The following HAS1 variants were observed in gnomAD, a reference collection of about 807,000 sequenced individuals.
The protein encoded by HAS1 is HA synthase 1.
HAS1 carries 27 observed loss-of-function variants against 35.0 expected under a neutral mutation model. The observed-to-expected ratio is 0.77, with a 90% CI of 0.57 to 1.06. The LOEUF (loss-of-function observed/expected upper bound fraction) is 1.06, where lower values mean the gene tolerates loss of function less well. HAS1 is among the 50% of genes least tolerant of loss of function. HAS1 has a pLI of 0.00. For missense variants in HAS1, 940 were observed against 814.8 expected (o/e 1.15, Z -1.87); for synonymous variants, 409 against 371.2 (o/e 1.10, Z -1.17).
In HAS1 at chr19:51,713,961, C is replaced by G. The variant is rs763153477; in HGVS notation, c.1200G>C (p.Met400Ile). Residue 400 changes from methionine (M) to isoleucine (I), a missense_variant, in exon 5 of 5, where the codon ATG becomes ATC. By Grantham distance (10) the Met-to-Ile change is conservative. Transcript: ENST00000540069. The surrounding 1 kb of genome is among the most constrained non-coding windows in gnomAD (Gnocchi z 4.5). ...ALWWHRHHAW[M>I]TYEAVVSGLF... is the part of the protein sequence containing the mutation. ...GGCCGGAGACCACCGCCTCGTAGGT[C>G]ATCCACGCATGGTGCCGGTGCCACC... 1 of 1,612,662 alleles carries G rather than the reference C, an allele frequency of 6.2e-7. No individual in the cohort carries two copies. Among genetic ancestry groups the G allele is most frequent in the Non-Finnish European group, 8.5e-7 (1 of 1,180,024 alleles).
intron 4 of HAS1, among the ~76,000 whole-genome samples, chr19:51,715,615 A>C (rs1261512867): frequency 6.6e-6 from 1 of 152,166 alleles, no homozygotes; most frequent in Non-Finnish European, 1.5e-5. Context: ...CCTAGTGAAT[A>C]TTTGTTGAGT....
chr19:51,719,594 T>C lies in HAS1; in HGVS notation c.311A>G (p.Gln104Arg). 1.3e-6 allele frequency: 2 copies of C among 1,542,002 alleles called. No homozygotes were observed. Among genetic ancestry groups the C allele is most frequent in the East Asian group, 2.5e-5 (1 of 40,244 alleles). Residue 104 changes from glutamine (Q) to arginine (R), a missense_variant, in exon 2 of 5, where the codon CAG becomes CGG. By Grantham distance (43) the Gln-to-Arg change is conservative. Transcript: ENST00000540069. Reference sequence around the variant, plus strand: ...CTGGCGCAGGTACGCGGGGTCCTCCTGGTAGGCGGAGATGGTCAGCGCCAC... The same window carrying C: ...CTGGCGCAGGTACGCGGGGTCCTCCCGGTAGGCGGAGATGGTCAGCGCCAC... Reference protein sequence around the residue: ...RSVALTISAYQEDPAYLRQCL... With the variant: ...RSVALTISAYREDPAYLRQCL...
At chr19:51,719,996 T>C in intron 1 of HAS1, 101 bp from the exon 2 acceptor site, 1 of 699,458 alleles carries the variant, frequency 1.4e-6, no homozygotes. Context: ...CCTCCTTCCC[T>C]TTCCCTCCCC....
chr19:51,722,417 C>T (rs899980414), intron 1 of HAS1, among the ~76,000 whole-genome samples: 1 of 152,104 alleles, frequency 6.6e-6, no homozygotes, highest in African/African-American at 2.4e-5. Context: ...GCTATGAACA[C>T]ACTGGATTTT....
Position 51,716,967 on chromosome 19 carries a change from C to T in HAS1, c.925+1G>A, listed in dbSNP as rs1396240967. The T allele has an allele frequency of 4.4e-6, 7 of 1,604,438 alleles. No homozygotes were observed. Among genetic ancestry groups the T allele is most frequent in the Non-Finnish European group, 2.6e-6 (3 of 1,171,300 alleles). On this transcript the variant is annotated splice_donor_variant, in intron 3 of 4. Coordinates refer to ENST00000540069, the MANE Select transcript of HAS1 (RefSeq NM_001297436.2). LOFTEE classifies it high-confidence loss of function. The stretch of plus-strand genomic sequence containing the variant: ...CCCTCCCAATCTCTGCCCCTGCTTA[C>T]CTAGAGGACCGCTGATGCAGGATAC...
At chr19:51,723,032 C>T (rs73056837) in intron 1 of HAS1, among the ~76,000 whole-genome samples, 13,623 of 152,228 alleles carry the variant, frequency 0.089, 772 homozygotes, top group Middle Eastern at 0.14. Flanking sequence ...TCTTCCTTTG[C>T]TTCAAACCTG....
chr19:51,723,373 T>C (rs11084113), intron 1 of HAS1, among the ~76,000 whole-genome samples: 114,458 of 152,122 alleles, frequency 0.75, 43,363 homozygotes, highest in East Asian at 0.99. Flanking sequence ...GGCAATGGGA[T>C]GCACAGGGAA....
intron 2 of HAS1, 32 bp downstream of exon 2, chr19:51,719,174 G>T (rs1361889237): frequency 1.4e-6 from 2 of 1,401,754 alleles, no homozygotes; most frequent in African/African-American, 3.0e-5. Flanking sequence ...GGGTGTTCGG[G>T]TCACGAGTGG....
In HAS1 at chr19:51,719,489, T is replaced by C. The variant is rs1306949855; in HGVS notation, c.416A>G (p.Glu139Gly). 2.6e-6 allele frequency: 4 copies of C among 1,550,424 alleles called. No individual in the cohort carries two copies. Among genetic ancestry groups the C allele is most frequent in the Non-Finnish European group, 1.7e-6 (2 of 1,146,652 alleles). The change falls in exon 2 of 5, where the codon GAG becomes GGG. Residue 139 changes from glutamate to glycine, a missense_variant. Glu to Gly is a moderately conservative substitution (Grantham distance 98). Coordinates refer to ENST00000540069, the MANE Select transcript of HAS1 (RefSeq NM_001297436.2). The part of the protein sequence containing the change: ...VLMVVDGNRA[E>G]DLYMVDMFRE... ...GAACATGTCGACCATGTAGAGGTCCTCGGCGCGGTTGCCATCCACCACCAT... is the reference window on the plus strand; with the variant it reads ...GAACATGTCGACCATGTAGAGGTCCCCGGCGCGGTTGCCATCCACCACCAT...
At position 51,713,664 on chromosome 19, in the gene HAS1, GTAGT is replaced by G. The variant is rs766524559; in HGVS notation, c.1493_1496del (p.Asn498ThrfsTer22). 3 of 1,581,498 alleles carry G rather than the reference GTAGT, an allele frequency of 1.9e-6. No homozygotes were observed. In the South Asian group the frequency reaches 3.4e-5, roughly 18 times the overall value. ...AGAGCGCCAGGGGCAGCAGAGGGAC[GTAGT>G]TAGCGGCCAGCTTCCGCCGGCCCGA... On this transcript the variant is annotated frameshift_variant, in exon 5 of 5. Transcript: ENST00000540069. LOFTEE classifies it low-confidence loss of function (END_TRUNC). The surrounding 1 kb of genome is among the most constrained non-coding windows in gnomAD (Gnocchi z 4.5).
intron 1 of HAS1, 70 bp from the exon 2 acceptor site, chr19:51,719,965 T>G (rs1308363121): frequency 9.9e-7 from 1 of 1,008,836 alleles, no homozygotes; most frequent in Admixed American, 2.8e-5. Context: ...GAGAGAAGAT[T>G]AAAAATCCTT....
At chr19:51,715,727 T>A (rs1465592739) in intron 4 of HAS1, among the ~76,000 whole-genome samples, 2 of 152,228 alleles carry the variant, frequency 1.3e-5, no homozygotes, top group Admixed American at 1.3e-4. Flanking sequence ...TCACTTGGTC[T>A]AGATCATCCT....
chr19:51,721,158 T>G (rs1367129670), intron 1 of HAS1, among the ~76,000 whole-genome samples: 1 of 151,988 alleles, frequency 6.6e-6, no homozygotes, highest in Non-Finnish European at 1.5e-5. Context: ...ATTTGAACCC[T>G]AGGAACTGAA....
chr19:51,713,991 C>A lies in HAS1; in HGVS notation c.1170G>T (p.Ala390=). The part of the protein sequence containing the change: ...KSYFREWLYN[A]LWWHRHHAWM... ...ACGCATGGTGCCGGTGCCACCAGAG[C>A]GCGTTGTACAGCCACTCACGGAAGT... Residue 390 remains alanine (A), a synonymous_variant, in exon 5 of 5, where the codon GCG becomes GCT. Transcript: ENST00000540069. The surrounding 1 kb of genome is among the most constrained non-coding windows in gnomAD (Gnocchi z 4.5). 1 of 1,613,752 alleles carries A rather than the reference C, an allele frequency of 6.2e-7. No homozygotes were observed. Among genetic ancestry groups the A allele is most frequent in the Non-Finnish European group, 8.5e-7 (1 of 1,179,986 alleles).
intron 1 of HAS1, among the ~76,000 whole-genome samples, chr19:51,720,385 G>T (rs2083623732): frequency 6.6e-6 from 1 of 151,918 alleles, no homozygotes; most frequent in Non-Finnish European, 1.5e-5. Context: ...CTAAGTGCTG[G>T]GATTACAGGC....
chr19:51,719,888 G>A lies in HAS1; in HGVS notation c.17C>T (p.Pro6Leu). 6.5e-7 allele frequency: 1 copy of A among 1,534,768 alleles called. No homozygotes were observed. The highest frequency in any genetic ancestry group is 8.7e-7 in the Non-Finnish European group (1 of 1,145,626). ...GCGGCAGGCTGCAGGAGTGGGCTTG[G>A]GCGCGTCCTGCTGGGAGCGAGAGGG... MRQDA[P>L]KPTPAACRCS... is the part of the protein sequence containing the mutation. Residue 6 changes from proline to leucine, a missense_variant, in exon 2 of 5, where the codon CCC becomes CTC. Physicochemically the swap from Pro to Leu is moderately conservative, Grantham distance 98. Coordinates refer to ENST00000540069, the MANE Select transcript of HAS1 (RefSeq NM_001297436.2).
chr19:51,719,344 C>T lies in HAS1; in HGVS notation c.561G>A (p.Ala187=), dbSNP rs769582481. Reference sequence around the variant, plus strand: ...CCACTGCCAGCCGCCCAGGATCCTCCGCCTCCACCTCCCGATAGGCTCCGG... The same window carrying T: ...CCACTGCCAGCCGCCCAGGATCCTCTGCCTCCACCTCCCGATAGGCTCCGG... ...VGAGAYREVE[A]EDPGRLAVEA... is the part of the protein sequence containing the mutation. Residue 187 remains alanine, a synonymous_variant, in exon 2 of 5, where the codon GCG becomes GCA. Coordinates refer to ENST00000540069, the MANE Select transcript of HAS1 (RefSeq NM_001297436.2). 17 of 1,611,040 alleles carry T rather than the reference C, an allele frequency of 1.1e-5. No individual in the cohort carries two copies. The highest frequency in any genetic ancestry group is 2.7e-5 in the African/African-American group (2 of 74,802).
chr19:51,719,651 C>T lies in HAS1; in HGVS notation c.254G>A (p.Arg85Gln). ...LEHRRVAAAA[R>Q]GPLDAATARS... ...CGCGGTGGCTGCATCCAGCGGCCCC[C>T]GCGCCGCCGCCGCCACCCGCCGGTG... Residue 85 changes from arginine (R) to glutamine (Q), a missense_variant, in exon 2 of 5, where the codon CGG (arginine) becomes CAG (glutamine). Arg to Gln is a conservative substitution (Grantham distance 43). Coordinates refer to ENST00000540069, the MANE Select transcript of HAS1 (RefSeq NM_001297436.2). The T allele has an allele frequency of 6.5e-7, 1 of 1,539,576 alleles. No homozygotes were observed. The highest frequency in any genetic ancestry group is 8.7e-7 in the Non-Finnish European group (1 of 1,145,822).
chr19:51,714,017 A>T lies in HAS1; in HGVS notation c.1144T>A (p.Tyr382Asn). ...GCGTTGTACAGCCACTCACGGAAGT[A>T]CGACTTGGACCAGCGTGTCTGCTGG... The part of the protein sequence containing the change: ...LSQQTRWSKS[Y>N]FREWLYNALW... Residue 382 changes from tyrosine to asparagine, a missense_variant, in exon 5 of 5, where the codon TAC becomes AAC. Transcript: ENST00000540069. 1 of 1,614,044 alleles carries T rather than the reference A, an allele frequency of 6.2e-7. No individual in the cohort carries two copies. The highest frequency in any genetic ancestry group is 8.5e-7 in the Non-Finnish European group (1 of 1,179,976).
Sources: allele counts gnomAD v4.1 joint callset (sites outside exome capture counted in the v4.1 genomes callset), GRCh38; gene constraint gnomAD v4.1.1; non-coding constraint Gnocchi (gnomAD v3.1); transcripts MANE v1.5; gene names NCBI Gene and HGNC (gene_info 2026-07-23, HGNC 2026-07-21).